Variants in PCDH18 observed in about 807,000 individuals in gnomAD.
The protein encoded by PCDH18 is protocadherin-18.
A neutral mutation model predicts 71.5 loss-of-function variants in PCDH18; 38 were observed. That is an observed-to-expected ratio of 0.53 (90% confidence interval 0.41 to 0.70). The LOEUF is 0.70. PCDH18 is among the 30% of genes least tolerant of loss of function. The probability of loss-of-function intolerance (pLI) is 0.00; values close to 1 mark genes in which losing one functional copy is unlikely to be tolerated. For synonymous variants in PCDH18, 565 were observed against 505.4 expected, an observed-to-expected ratio of 1.12 and a Z score of -1.58; for missense variants, 1,334 against 1,384.6, an observed-to-expected ratio of 0.96 and a Z score of 0.58.
chr4:137,525,946 A>G (rs1731441327), intron 3 of PCDH18, among the ~76,000 whole-genome samples: 1 of 152,082 alleles, frequency 6.6e-6, no homozygotes, highest in Admixed American at 6.6e-5. Flanking sequence ...ATGAAGCTTA[A>G]CGTCACTCAC....
chr4:137,523,293 G>C (rs1731355457), intron 3 of PCDH18, among the ~76,000 whole-genome samples: 2 of 151,814 alleles, frequency 1.3e-5, no homozygotes, highest in Admixed American at 1.3e-4. Context: ...AGCTTTTTTA[G>C]ATTTCCTGAC....
At chr4:137,523,536 G>A (rs2149212592) in intron 3 of PCDH18, among the ~76,000 whole-genome samples, 1 of 151,998 alleles carries the variant, frequency 6.6e-6, no homozygotes, top group East Asian at 1.9e-4. Flanking sequence ...CCTGTCAGAA[G>A]GAAGAAGAAC....
chr4:137,528,710 G>A (rs779171417), intron 2 of PCDH18, 22 bp downstream of exon 2: 4 of 1,606,964 alleles, frequency 2.5e-6, no homozygotes, highest in Non-Finnish European at 3.4e-6. Flanking sequence ...AACTTAATAG[G>A]TAACACAAGA....
At position 137,521,313 on chromosome 4, in the gene PCDH18, A is replaced by G; in HGVS notation, c.3124T>C (p.Leu1042=). The G allele has an allele frequency of 6.2e-7, 1 of 1,614,156 alleles. No homozygotes were observed. Among genetic ancestry groups the G allele is most frequent in the Non-Finnish European group, 8.5e-7 (1 of 1,180,014 alleles). The change falls in exon 4 of 4, where the codon TTG becomes CTG. Residue 1042 remains leucine (L), a synonymous_variant. Transcript: ENST00000344876. ...SNSLERRKGP[L]PAKTVGYPQG... The stretch of plus-strand genomic sequence containing the variant: ...GGGTAACCCACAGTTTTGGCTGGCA[A>G]GGGTCCCTTCCTGCGCTCCAGGGAG...
rs144644832 is a variant in PCDH18 at position 137,530,152 on chromosome 4, G to T, written c.1937C>A (p.Ser646Tyr). The T allele has an allele frequency of 6.2e-7, 1 of 1,613,258 alleles. No homozygotes were observed. The highest frequency in any genetic ancestry group is 2.2e-5 in the East Asian group (1 of 44,836). ...CAGCTCCCATTCTGTGTAGGGAACA[G>T]AATCCATGCTAACGTTGGTATGGAT... is the stretch of plus-strand genomic sequence containing the variant. The part of the protein sequence containing the change: ...CDIHTNVSMD[S>Y]VPYTEWELSV... Residue 646 changes from serine to tyrosine, a missense_variant, in exon 1 of 4, where the codon TCT (serine) becomes TAT (tyrosine). By Grantham distance (144) the Ser-to-Tyr change is moderately radical (BLOSUM62 -2). This residue lies in a region of PCDH18 where 1,011 missense variants were observed against 1,048.0 expected (regional missense o/e 0.96). Transcript: ENST00000344876.
At position 137,519,372 on chromosome 4, in the gene PCDH18, T is replaced by G. The variant is rs1731224020; in HGVS notation, c.*1657A>C. 6.6e-6 allele frequency: 1 copy of G among 152,218 alleles called. No homozygotes were observed. Among genetic ancestry groups the G allele is most frequent in the Non-Finnish European group, 1.5e-5 (1 of 68,036 alleles). 9.4% of individuals were successfully genotyped at this position (152,218 alleles called of 1,614,324 possible). Reference sequence around the variant, plus strand: ...AAGGATACCTTTTTATCCTGCACAATTTAATACAAAATGTCCTAAGAAAGT... The same window carrying G: ...AAGGATACCTTTTTATCCTGCACAAGTTAATACAAAATGTCCTAAGAAAGT... On this transcript the variant is annotated 3_prime_UTR_variant, in exon 4 of 4. Transcript: ENST00000344876.
intron 3 of PCDH18, among the ~76,000 whole-genome samples, chr4:137,526,209 A>G (rs963910950): frequency 1.3e-5 from 2 of 152,042 alleles, no homozygotes; most frequent in Non-Finnish European, 2.9e-5. Flanking sequence ...ATTAAAAGGG[A>G]CTTTAGGATC....
intron 3 of PCDH18, among the ~76,000 whole-genome samples, chr4:137,527,681 T>C (rs868665551): frequency 7.4e-4 from 113 of 152,206 alleles, no homozygotes; most frequent in African/African-American, 2.6e-3. Flanking sequence ...CTTGGAAATA[T>C]AGGTAGCCAA....
In PCDH18 at chr4:137,529,822, T is replaced by A. The variant is rs1731600218; in HGVS notation, c.2267A>T (p.Lys756Ile). Residue 756 changes from lysine to isoleucine, a missense_variant, in exon 1 of 4, where the codon AAA (lysine) becomes ATA (isoleucine). This residue lies in a region of PCDH18 where 1,011 missense variants were observed against 1,048.0 expected (regional missense o/e 0.96). Coordinates refer to ENST00000344876, the MANE Select transcript of PCDH18 (RefSeq NM_019035.5). The stretch of plus-strand genomic sequence containing the variant: ...GGTAGGCACCAATGTGATGTCCCCT[T>A]TGTGAATCTGCCGGGATGGCCTTTT... The part of the protein sequence containing the change: ...HPKRPSRQIH[K>I]GDITLVPTIN... The A allele has an allele frequency of 6.2e-7, 1 of 1,611,308 alleles. No individual in the cohort carries two copies. The highest frequency in any genetic ancestry group is 1.3e-5 in the African/African-American group (1 of 74,856).
chr4:137,523,834 A>G lies in PCDH18; in HGVS notation c.2741-2138T>C, dbSNP rs188492381. On this transcript the variant is annotated intron_variant, in intron 3 of 3. Coordinates refer to ENST00000344876, the MANE Select transcript of PCDH18 (RefSeq NM_019035.5). ...TTTTAAACAGTGAATGTTATTTGCAACTTCATCCCAATAAATAAGTGAAGC... is the reference window on the plus strand; with the variant it reads ...TTTTAAACAGTGAATGTTATTTGCAGCTTCATCCCAATAAATAAGTGAAGC... Among the ~76,000 whole-genome samples, 965 of 152,340 alleles carry G rather than the reference A, an allele frequency of 6.3e-3. 10 individuals are homozygous for G. The highest frequency in any genetic ancestry group is 0.01 in the Non-Finnish European group (703 of 68,022).
intron 3 of PCDH18, among the ~76,000 whole-genome samples, chr4:137,528,272 C>A (rs1487317331): frequency 6.6e-6 from 1 of 152,062 alleles, no homozygotes; most frequent in African/African-American, 2.4e-5. Flanking sequence ...TCTCTTCCAA[C>A]CGCTTAATGA....
chr4:137,523,340 T>G (rs1461909114), intron 3 of PCDH18, among the ~76,000 whole-genome samples: 1 of 94,438 alleles, frequency 1.1e-5, no homozygotes, highest in Non-Finnish European at 2.5e-5. Context: ...GTTTACCAAC[T>G]TTTTTTTTTT....
intron 3 of PCDH18, 135 bp from the exon 4 acceptor site, chr4:137,521,831 C>T: frequency 1.5e-6 from 1 of 655,566 alleles, no homozygotes; most frequent in South Asian, 2.1e-5. Flanking sequence ...TATTATTATA[C>T]ACAAAAGCTG....
At chr4:137,528,439 A>G in intron 3 of PCDH18, 39 bp downstream of exon 3, 1 of 1,574,190 alleles carries the variant, frequency 6.4e-7, no homozygotes, top group Non-Finnish European at 8.7e-7. Flanking sequence ...GTGTCACGGT[A>G]GACCTGAAAA....
rs540797408 is a variant in PCDH18 at position 137,528,260 on chromosome 4, G to A, written c.2740+218C>T. The stretch of plus-strand genomic sequence containing the variant: ...TCCTATGAAGCTGTCATGCTTACTC[G>A]TTCTCTTCCAACCGCTTAATGAAAT... On this transcript the variant is annotated intron_variant, in intron 3 of 3. Coordinates refer to ENST00000344876, the MANE Select transcript of PCDH18 (RefSeq NM_019035.5). Among the ~76,000 whole-genome samples, 75 of 152,108 alleles carry A rather than the reference G, an allele frequency of 4.9e-4. 1 individual carries two copies. In the Middle Eastern group the frequency reaches 0.01, roughly 21 times the overall value.
intron 3 of PCDH18, 45 bp from the exon 4 acceptor site, chr4:137,521,741 C>A: frequency 7.0e-7 from 1 of 1,433,840 alleles, no homozygotes; most frequent in Non-Finnish European, 9.4e-7. Context: ...ATACTTAGCA[C>A]GATTCAAAAT....
chr4:137,532,296 C>T lies in PCDH18; in HGVS notation c.-208G>A, dbSNP rs973493728. On this transcript the variant is annotated 5_prime_UTR_variant, in exon 1 of 4. Transcript: ENST00000344876. The stretch of plus-strand genomic sequence containing the variant: ...GATACCTTCGGCATGGAGTCCAGTC[C>T]TTGCGTTTGTTTGGTCGTTCGTCCT... 3 of 703,288 alleles carry T rather than the reference C, an allele frequency of 4.3e-6. No homozygotes were observed. Among genetic ancestry groups the T allele is most frequent in the African/African-American group, 1.7e-5 (1 of 57,222 alleles). The allele number at this position is 703,288 out of a possible 1,614,324, so 43.6% of individuals were successfully genotyped here. A position where few individuals can be genotyped will look rare whatever the true frequency, so the allele number is the denominator to read the frequency against.
rs1289137991 is a variant in PCDH18 at position 137,530,673 on chromosome 4, A to T, written c.1416T>A (p.Phe472Leu). ...PPHFQRSRYE[F>L]VISENNSPGA... ...CTGGTGAGTTATTTTCTGAAATTACAAATTCATATCGGCTTCTCTGGAAGT... is the reference window on the plus strand; with the variant it reads ...CTGGTGAGTTATTTTCTGAAATTACTAATTCATATCGGCTTCTCTGGAAGT... The change falls in exon 1 of 4, where the codon TTT becomes TTA. Residue 472 changes from phenylalanine to leucine, a missense_variant. Physicochemically the swap from Phe to Leu is conservative, Grantham distance 22. Transcript: ENST00000344876. 18 of 1,613,002 alleles carry T rather than the reference A, an allele frequency of 1.1e-5. No individual in the cohort carries two copies. Among genetic ancestry groups the T allele is most frequent in the Non-Finnish European group, 1.5e-5 (18 of 1,179,608 alleles).
In PCDH18 at chr4:137,531,010, GA is replaced by G; in HGVS notation, c.1078del (p.Ser360ProfsTer32). On this transcript the variant is annotated frameshift_variant, in exon 1 of 4. Transcript: ENST00000344876. LOFTEE classifies it high-confidence loss of function. Reference protein sequence around the residue: ...NKPEININLMSPGKEEISYIF... With the variant: ...NKPEININLMXPGKEEISYIF... ...ATAAGATATTTCTTCTTTTCCAGGG[GA>G]CATGAGGTTGATGTTAATTTCAGGT... 1 of 1,610,324 alleles carries G rather than the reference GA, an allele frequency of 6.2e-7. No individual in the cohort carries two copies. The highest frequency in any genetic ancestry group is 8.5e-7 in the Non-Finnish European group (1 of 1,178,278).
Sources: gnomAD v4.1 joint callset for allele counts (sites outside exome capture counted in the v4.1 genomes callset) on GRCh38, gnomAD v4.1.1 for gene constraint, gnomAD v4.1.1 regional missense constraint, MANE v1.5 for transcripts, NCBI Gene and HGNC (gene_info 2026-07-23, HGNC 2026-07-21) for gene names.